Variants in NOL4 observed in about 807,000 individuals in gnomAD.
NOL4 encodes nucleolar protein 4, also known as cancer/testis antigen 125.
A neutral mutation model predicts 75.9 loss-of-function variants in NOL4; 17 were observed. That is an observed-to-expected ratio of 0.22 (90% CI 0.15 to 0.34). NOL4 has a LOEUF of 0.34. Ranked by LOEUF, NOL4 falls within the 10% of genes least tolerant of loss-of-function variation. The pLI, the probability that NOL4 is intolerant of heterozygous loss-of-function variation, is 1.00. For synonymous variants in NOL4, 292 were observed against 289.9 expected, an observed-to-expected ratio of 1.01 and a Z score of -0.07; for missense variants, 614 against 793.5, an observed-to-expected ratio of 0.77 and a Z score of 2.72.
intron 2 of NOL4, among the ~76,000 whole-genome samples, chr18:34,106,441 A>C (rs534396007): frequency 2.0e-5 from 3 of 152,218 alleles, no homozygotes; most frequent in African/African-American, 7.2e-5. Flanking sequence ...AAACAGGCTT[A>C]CAATTAAAAT....
chr18:33,927,262 T>C (rs1178360879), intron 9 of NOL4, among the ~76,000 whole-genome samples: 2 of 152,176 alleles, frequency 1.3e-5, no homozygotes, highest in Admixed American at 6.5e-5. Flanking sequence ...AACTGTATCA[T>C]GTAAAATGCT....
intron 10 of NOL4, among the ~76,000 whole-genome samples, chr18:33,876,812 G>C (rs2063955639): frequency 6.6e-6 from 1 of 152,034 alleles, no homozygotes; most frequent in Non-Finnish European, 1.5e-5. Flanking sequence ...AAAAGTAAAA[G>C]AGCAGGAGAC....
chr18:34,213,483 T>C (rs2036659231), intron 1 of NOL4, among the ~76,000 whole-genome samples: 1 of 151,984 alleles, frequency 6.6e-6, no homozygotes, highest in Non-Finnish European at 1.5e-5. Flanking sequence ...AGAGCCGGGG[T>C]TTCACCACGT....
intron 9 of NOL4, among the ~76,000 whole-genome samples, chr18:33,906,756 C>T (rs1252902922): frequency 6.6e-6 from 1 of 152,010 alleles, no homozygotes; most frequent in Non-Finnish European, 1.5e-5. Flanking sequence ...ATAAAGCAGG[C>T]TTAGATATGG....
At chr18:33,920,386 T>C (rs2066962898) in intron 9 of NOL4, among the ~76,000 whole-genome samples, 1 of 152,258 alleles carries the variant, frequency 6.6e-6, no homozygotes, top group Admixed American at 6.5e-5. Flanking sequence ...ATATTTTGCA[T>C]CTGTAAATAC....
intron 6 of NOL4, among the ~76,000 whole-genome samples, chr18:33,971,521 G>A (rs2071059590): frequency 6.6e-6 from 1 of 152,160 alleles, no homozygotes; most frequent in African/African-American, 2.4e-5. Flanking sequence ...ATGTATTTTT[G>A]TAGAGGGGTC....
chr18:34,206,205 T>A (rs2036112291), intron 1 of NOL4, among the ~76,000 whole-genome samples: 1 of 152,196 alleles, frequency 6.6e-6, no homozygotes, highest in Non-Finnish European at 1.5e-5. Context: ...GGGAACATCC[T>A]TTGTATGTTG....
chr18:33,984,486 T>C (rs2072269318), intron 6 of NOL4, among the ~76,000 whole-genome samples: 1 of 152,060 alleles, frequency 6.6e-6, no homozygotes, highest in South Asian at 2.1e-4. Flanking sequence ...GGTGACTGGA[T>C]CATGGGGGTG....
At chr18:33,981,931 T>C (rs1274027554) in intron 6 of NOL4, among the ~76,000 whole-genome samples, 3 of 152,080 alleles carry the variant, frequency 2.0e-5, no homozygotes, top group African/African-American at 7.2e-5. Context: ...GAGTATTTCG[T>C]TATAGGGTAC....
chr18:33,896,255 CCTAT>C (rs2065403163), intron 9 of NOL4, among the ~76,000 whole-genome samples: 1 of 152,026 alleles, frequency 6.6e-6, no homozygotes, highest in Non-Finnish European at 1.5e-5. Flanking sequence ...CAATGCTATT[CCTAT>C]CTAATTACCA....
intron 2 of NOL4, among the ~76,000 whole-genome samples, chr18:34,115,400 G>C (rs2079804897): frequency 6.6e-6 from 1 of 152,132 alleles, no homozygotes; most frequent in Non-Finnish European, 1.5e-5. Flanking sequence ...ATGGGCTCAA[G>C]CAAGCCTCCT....
At chr18:34,039,343 CTTT>C (rs202108842) in intron 5 of NOL4, among the ~76,000 whole-genome samples, 2 of 151,010 alleles carry the variant, frequency 1.3e-5, no homozygotes, top group African/African-American at 4.9e-5. Flanking sequence ...GTCTGGGTGG[CTTT>C]TTTTTTCCCC....
chr18:34,067,155 G>GA (rs1468718770), intron 5 of NOL4, among the ~76,000 whole-genome samples: 3 of 152,128 alleles, frequency 2.0e-5, no homozygotes, highest in Admixed American at 2.0e-4. Context: ...GCGATTTAAA[G>GA]AAAGCAATCA....
chr18:33,989,422 C>G (rs952791594), intron 6 of NOL4, among the ~76,000 whole-genome samples: 4 of 151,864 alleles, frequency 2.6e-5, no homozygotes, highest in African/African-American at 9.7e-5. Context: ...TTGCTAGAAA[C>G]CAAGCCAAGA....
At position 34,105,110 on chromosome 18, in the gene NOL4, T is replaced by C. The variant is rs1307978882; in HGVS notation, c.465A>G (p.Leu155=). Residue 155 remains leucine, a synonymous_variant, in exon 3 of 11, where the codon CTA becomes CTG. Coordinates refer to ENST00000261592, the MANE Select transcript of NOL4 (RefSeq NM_003787.5). ...FLPREAVTRF[L]MSCSECQKRM... ...TTTTCTGGCACTCTGAGCAGCTCAT[T>C]AGAAATCGTGTCACCGCTTCTCTTG... 1.2e-6 allele frequency: 2 copies of C among 1,612,476 alleles called. No homozygotes were observed. Among genetic ancestry groups the C allele is most frequent in the South Asian group, 2.2e-5 (2 of 91,060 alleles).
Position 34,028,547 on chromosome 18 carries a change from T to C in NOL4, c.773-8946A>G, listed in dbSNP as rs763098029. 9.7e-4 allele frequency among the ~76,000 whole-genome samples: 148 copies of C among 152,292 alleles called. 1 individual carries two copies. Among genetic ancestry groups the C allele is most frequent in the Admixed American group, 2.2e-3 (33 of 15,292 alleles). On this transcript the variant is annotated intron_variant, in intron 5 of 10. Coordinates refer to ENST00000261592, the MANE Select transcript of NOL4 (RefSeq NM_003787.5). Reference sequence around the variant, plus strand: ...AGGCAGGCGCCTGACCAAAGGGCAATGAAACCACAAGTCAAACCCACAGCC... The same window carrying C: ...AGGCAGGCGCCTGACCAAAGGGCAACGAAACCACAAGTCAAACCCACAGCC...
chr18:33,935,235 G>A (rs2067980693), intron 9 of NOL4, among the ~76,000 whole-genome samples: 1 of 152,108 alleles, frequency 6.6e-6, no homozygotes, highest in South Asian at 2.1e-4. Context: ...TTTGGTGCAA[G>A]AGGCAGAGCT....
intron 1 of NOL4, among the ~76,000 whole-genome samples, chr18:34,174,941 G>T (rs1250421909): frequency 6.6e-6 from 1 of 151,986 alleles, no homozygotes; most frequent in Non-Finnish European, 1.5e-5. Flanking sequence ...TGGACATTTG[G>T]GTTGGTTCAA....
intron 5 of NOL4, among the ~76,000 whole-genome samples, chr18:34,072,735 G>T (rs2077576114): frequency 6.6e-6 from 1 of 152,056 alleles, no homozygotes; most frequent in Non-Finnish European, 1.5e-5. Flanking sequence ...CTACTTAAAT[G>T]CCTTTGTCCG....
Sources: allele counts gnomAD v4.1 joint callset (sites outside exome capture counted in the v4.1 genomes callset), GRCh38; gene constraint gnomAD v4.1.1; transcripts MANE v1.5; gene names NCBI Gene and HGNC (gene_info 2026-07-23, HGNC 2026-07-21).